PCDHA13: variants seen among roughly 807,000 people sequenced by gnomAD.
PCDHA13 encodes protocadherin alpha 13, also known as protocadherin alpha-13.
In PCDHA13, 54 loss-of-function variants were observed where a neutral mutation model predicts 64.8. The observed-to-expected ratio is 0.83, with a 90% CI of 0.67 to 1.04. The LOEUF is 1.04. PCDHA13 is among the 50% of genes least tolerant of loss of function. The pLI is 0.00. For synonymous variants in PCDHA13, 587 were observed against 564.4 expected, an observed-to-expected ratio of 1.04 and a Z score of -0.57; for missense variants, 1,248 against 1,254.3, an observed-to-expected ratio of 0.99 and a Z score of 0.08.
At chr5:140,979,051 G>T (rs1554240209) in intron 2 of PCDHA13, 44 bp downstream of exon 2, 1 of 1,609,534 alleles carries the variant, frequency 6.2e-7, no homozygotes, top group South Asian at 1.1e-5. Flanking sequence ...ACCTTAACTT[G>T]GTATGGCTCA....
intron 1 of PCDHA13, chr5:140,968,462 A>G: frequency 6.2e-7 from 1 of 1,614,104 alleles, no homozygotes; most frequent in African/African-American, 1.3e-5. Flanking sequence ...TGTGACTGCC[A>G]ACGTATATGT....
At chr5:140,891,937 C>G (rs1168665111) in intron 1 of PCDHA13, among the ~76,000 whole-genome samples, 3 of 152,166 alleles carry the variant, frequency 2.0e-5, no homozygotes, top group Admixed American at 2.0e-4. Context: ...CTTGGACTTC[C>G]CCTAGGCTCC....
chr5:140,958,159 A>T (rs782390357), intron 1 of PCDHA13, among the ~76,000 whole-genome samples: 35 of 152,134 alleles, frequency 2.3e-4, no homozygotes, highest in Non-Finnish European at 4.3e-4. Flanking sequence ...CATAGTCAAA[A>T]GCCTGGAGTG....
chr5:140,887,802 T>A (rs2061588161), intron 1 of PCDHA13, among the ~76,000 whole-genome samples: 1 of 152,198 alleles, frequency 6.6e-6, no homozygotes, highest in Non-Finnish European at 1.5e-5. Context: ...TTTATTTTTG[T>A]CCATTTCTTT....
At chr5:140,981,748 G>C (rs975887463) in intron 2 of PCDHA13, among the ~76,000 whole-genome samples, 28 of 151,686 alleles carry the variant, frequency 1.8e-4, no homozygotes, top group African/African-American at 6.8e-4. Context: ...ATATGAGTTA[G>C]TATTAGACAT....
At chr5:140,937,788 T>C (rs2091751340) in intron 1 of PCDHA13, among the ~76,000 whole-genome samples, 1 of 149,320 alleles carries the variant, frequency 6.7e-6, no homozygotes, top group African/African-American at 2.5e-5. Flanking sequence ...GGCGGGCGTA[T>C]GTAGTCCCAG....
intron 1 of PCDHA13, among the ~76,000 whole-genome samples, chr5:140,912,103 G>A (rs1431283462): frequency 6.6e-6 from 1 of 152,212 alleles, no homozygotes; most frequent in Non-Finnish European, 1.5e-5. Context: ...GGAGAAAGAT[G>A]TAGGCTGGGA....
At chr5:140,996,123 G>A (rs1554255007) in intron 3 of PCDHA13, among the ~76,000 whole-genome samples, 2 of 152,238 alleles carry the variant, frequency 1.3e-5, no homozygotes, top group African/African-American at 2.4e-5. Flanking sequence ...GCAGGGTGGT[G>A]TAGAGGGTTC....
chr5:141,000,112 C>T (rs1404445521), intron 3 of PCDHA13, among the ~76,000 whole-genome samples: 1 of 152,128 alleles, frequency 6.6e-6, no homozygotes. Flanking sequence ...CGTCTCTTCC[C>T]TCATCCCCAA....
At position 141,010,950 on chromosome 5, in the gene PCDHA13, A is replaced by G. The variant is rs1278386004; in HGVS notation, c.*1013A>G. The G allele has an allele frequency of 6.5e-6, 1 of 153,760 alleles. No homozygotes were observed. Among genetic ancestry groups the G allele is most frequent in the Admixed American group, 6.5e-5 (1 of 15,284 alleles). 9.5% of individuals were successfully genotyped at this position (153,760 alleles called of 1,614,324 possible). A position where few individuals can be genotyped will look rare whatever the true frequency, so the allele number is the denominator to read the frequency against. ...TCAGTCTACAGCCATTTAAATGATC[A>G]TTGCTGCTACAGAAGTGCTTTAAGA... is the stretch of plus-strand genomic sequence containing the variant. On this transcript the variant is annotated 3_prime_UTR_variant, in exon 4 of 4. Coordinates refer to ENST00000289272, the MANE Select transcript of PCDHA13 (RefSeq NM_018904.3).
intron 1 of PCDHA13, chr5:140,927,857 G>A: frequency 6.2e-7 from 1 of 1,614,172 alleles, no homozygotes; most frequent in African/African-American, 1.3e-5. Context: ...GGTTTAGCTA[G>A]CACCGCTAAA....
chr5:140,953,131 C>T (rs1554220819), intron 1 of PCDHA13, among the ~76,000 whole-genome samples: 1 of 152,158 alleles, frequency 6.6e-6, no homozygotes, highest in African/African-American at 2.4e-5. Context: ...TAAACCGTAT[C>T]ACTGTTATAT....
At chr5:140,982,713 A>G (rs2096998735) in intron 3 of PCDHA13, 150 bp downstream of exon 3, 2 of 1,373,774 alleles carry the variant, frequency 1.5e-6, no homozygotes, top group African/African-American at 1.5e-5. Flanking sequence ...CCTTACATAT[A>G]TGATTATTTT....
chr5:141,009,650 C>G lies in PCDHA13; in HGVS notation c.2566C>G (p.Pro856Ala). Residue 856 changes from proline to alanine, a missense_variant, in exon 4 of 4, where the codon CCT becomes GCT. Transcript: ENST00000289272. The part of the protein sequence containing the change: ...TPEPEAGEVS[P>A]PVGAGVNSNS... ...AGAACCAGAGGCAGGAGAAGTGTCCCCTCCAGTCGGTGCGGGTGTCAACAG... is the reference window on the plus strand; with the variant it reads ...AGAACCAGAGGCAGGAGAAGTGTCCGCTCCAGTCGGTGCGGGTGTCAACAG... 1 of 1,613,886 alleles carries G rather than the reference C, an allele frequency of 6.2e-7. No individual in the cohort carries two copies. Among genetic ancestry groups the G allele is most frequent in the Non-Finnish European group, 8.5e-7 (1 of 1,179,918 alleles).
At chr5:140,929,050 C>T (rs946542782) in intron 1 of PCDHA13, 11 of 1,614,026 alleles carry the variant, frequency 6.8e-6, no homozygotes, top group African/African-American at 5.3e-5. Flanking sequence ...GAGCTGCTGT[C>T]GCTCTACAGA....
intron 1 of PCDHA13, among the ~76,000 whole-genome samples, chr5:140,960,218 A>G (rs2095532618): frequency 6.6e-6 from 1 of 152,206 alleles, no homozygotes; most frequent in Non-Finnish European, 1.5e-5. Flanking sequence ...CAGGATCTCA[A>G]GAAACAGAGC....
At chr5:140,927,204 G>C (rs1554204171) in intron 1 of PCDHA13, 1 of 1,614,112 alleles carries the variant, frequency 6.2e-7, no homozygotes, top group Middle Eastern at 1.6e-4. Flanking sequence ...TCGAGGACCC[G>C]CTGGAGCTGC....
intron 1 of PCDHA13, among the ~76,000 whole-genome samples, chr5:140,935,413 T>C (rs1011900671): frequency 1.3e-5 from 2 of 152,246 alleles, no homozygotes; most frequent in Non-Finnish European, 2.9e-5. Flanking sequence ...ACAATGGACT[T>C]AGAAAACAAT....
chr5:140,967,728 G>C (rs781785028), intron 1 of PCDHA13: 13 of 1,614,176 alleles, frequency 8.1e-6, no homozygotes, highest in Non-Finnish European at 1.1e-5. Flanking sequence ...CGAGTAATTG[G>C]GGGGCTGGAT....
Sources: gnomAD v4.1 joint callset for allele counts (sites outside exome capture counted in the v4.1 genomes callset) on GRCh38, gnomAD v4.1.1 for gene constraint, MANE v1.5 for transcripts, NCBI Gene and HGNC (gene_info 2026-07-23, HGNC 2026-07-21) for gene names.